Variants in GSG1L observed in about 807,000 individuals in gnomAD.
The protein encoded by GSG1L is GSG1 like.
In GSG1L, 24 loss-of-function variants were observed where a neutral mutation model predicts 42.1. The ratio of observed to expected loss-of-function variants is 0.57; its 90% CI spans 0.41 to 0.80. GSG1L has a LOEUF of 0.80. Among genes scored for constraint, GSG1L ranks in the 30% least tolerant of loss-of-function variants. The pLI is 0.00. For synonymous variants in GSG1L, 215 were observed against 203.5 expected (o/e 1.06, Z -0.48); for missense variants, 445 against 472.2 (o/e 0.94, Z 0.53).
At chr16:27,928,559 A>T (rs938052787) in intron 2 of GSG1L, among the ~76,000 whole-genome samples, 1 of 152,234 alleles carries the variant, frequency 6.6e-6, no homozygotes, top group African/African-American at 2.4e-5. Flanking sequence ...GCCCAGGCTC[A>T]GTCTGTCTGG....
intron 2 of GSG1L, among the ~76,000 whole-genome samples, chr16:27,888,589 C>A (rs1328706455): frequency 7.0e-6 from 1 of 143,476 alleles, no homozygotes; most frequent in Middle Eastern, 3.5e-3. Flanking sequence ...CTTTCTCCGT[C>A]TCTCTCTGTC....
At chr16:27,807,613 C>T in intron 5 of GSG1L, 59 bp from the exon 6 acceptor site, 1 of 1,464,102 alleles carries the variant, frequency 6.8e-7, no homozygotes. Flanking sequence ...GATGAGTGGG[C>T]AGAGACCCAA....
intron 1 of GSG1L, among the ~76,000 whole-genome samples, chr16:28,027,622 T>G (rs1484496562): frequency 1.3e-5 from 2 of 152,220 alleles, no homozygotes; most frequent in Admixed American, 1.3e-4. Context: ...GTGATATTTT[T>G]GGGCACCTGT....
rs201976578 is a variant in GSG1L at position 27,866,658 on chromosome 16, GC to G, written c.550+17827del. Among the ~76,000 whole-genome samples the G allele has an allele frequency of 9.8e-4, 149 of 151,916 alleles. No homozygotes were observed. The East Asian group carries it at 0.028, about 28-fold the overall frequency. On this transcript the variant is annotated intron_variant, in intron 3 of 6. Transcript: ENST00000447459. ...GTGATCTTGGCTCACTTCAACCTCC[GC>G]CCCCCAGGTTCAAGCCATTTTCCTG...
chr16:28,046,938 C>T (rs1033760336), intron 1 of GSG1L, among the ~76,000 whole-genome samples: 14 of 152,292 alleles, frequency 9.2e-5, no homozygotes, highest in African/African-American at 2.4e-4. Flanking sequence ...ATCATGCACA[C>T]GCATGCACAC....
intron 3 of GSG1L, among the ~76,000 whole-genome samples, chr16:27,851,516 T>C (rs559114762): frequency 3.2e-4 from 49 of 152,106 alleles, no homozygotes; most frequent in Non-Finnish European, 5.4e-4. Context: ...CTTAAGCAGA[T>C]TCACCCCCCT....
At chr16:27,822,260 C>T (rs1438640541) in intron 5 of GSG1L, among the ~76,000 whole-genome samples, 5 of 152,228 alleles carry the variant, frequency 3.3e-5, no homozygotes, top group Non-Finnish European at 7.3e-5. Flanking sequence ...GGACTCACAG[C>T]TAGTAAACTG....
chr16:27,830,787 T>C (rs905156549), intron 4 of GSG1L, among the ~76,000 whole-genome samples: 13 of 152,232 alleles, frequency 8.5e-5, no homozygotes, highest in Non-Finnish European at 1.5e-4. Flanking sequence ...CTGGGATGTC[T>C]CTTTATACTA....
intron 2 of GSG1L, among the ~76,000 whole-genome samples, chr16:27,909,493 G>C (rs1478847363): frequency 2.0e-5 from 3 of 150,456 alleles, no homozygotes; most frequent in African/African-American, 7.3e-5. Context: ...CTCAAGCAAG[G>C]GTCCCACCTC....
intron 3 of GSG1L, among the ~76,000 whole-genome samples, chr16:27,847,720 T>G (rs2083459887): frequency 6.6e-6 from 1 of 152,238 alleles, no homozygotes; most frequent in African/African-American, 2.4e-5. Context: ...GTTCTCGTGA[T>G]AGCGAGTGAG....
In GSG1L at chr16:27,831,517, G is replaced by A. The variant is rs2083273895; in HGVS notation, c.663-2561C>T. ...GACCAAGTCTGGCTCAACCCTGATGGCCCAGTCAGGGGACAGAGCAGGGGA... is the reference window on the plus strand; with the variant it reads ...GACCAAGTCTGGCTCAACCCTGATGACCCAGTCAGGGGACAGAGCAGGGGA... On this transcript the variant is annotated intron_variant, in intron 4 of 6. Coordinates refer to ENST00000447459, the MANE Select transcript of GSG1L (RefSeq NM_001109763.2). Among the ~76,000 whole-genome samples the A allele has an allele frequency of 3.3e-5, 5 of 152,204 alleles. No homozygotes were observed. The South Asian group carries it at 1.0e-3, about 32-fold the overall frequency.
intron 1 of GSG1L, among the ~76,000 whole-genome samples, chr16:27,968,786 T>C (rs993453597): frequency 7.9e-5 from 12 of 152,158 alleles, no homozygotes; most frequent in African/African-American, 2.7e-4. Context: ...TGAGATATAA[T>C]TCCCATGCTA....
In GSG1L at chr16:27,935,694, A is replaced by G. The variant is rs537670565; in HGVS notation, c.397+27462T>C. Among the ~76,000 whole-genome samples, 3 of 151,860 alleles carry G rather than the reference A, an allele frequency of 2.0e-5. No homozygotes were observed. The South Asian group carries it at 6.3e-4, about 32-fold the overall frequency. ...TCCAAGAGGTAGCCCAAGTTCCTCA[A>G]GGTGACATTTCAGGTGTGTTGCAAC... On this transcript the variant is annotated intron_variant, in intron 2 of 6. Coordinates refer to ENST00000447459, the MANE Select transcript of GSG1L (RefSeq NM_001109763.2).
At chr16:27,989,270 A>G (rs1489636774) in intron 1 of GSG1L, among the ~76,000 whole-genome samples, 1 of 152,112 alleles carries the variant, frequency 6.6e-6, no homozygotes, top group Non-Finnish European at 1.5e-5. Flanking sequence ...ATTTTGATAA[A>G]GTGTTTTAAA....
At chr16:27,852,968 G>A (rs1245329716) in intron 3 of GSG1L, among the ~76,000 whole-genome samples, 1 of 152,140 alleles carries the variant, frequency 6.6e-6, no homozygotes, top group East Asian at 1.9e-4. Flanking sequence ...AAACCATCAG[G>A]CACTGAAGAA....
At chr16:27,827,603 C>T (rs2083225285) in intron 5 of GSG1L, among the ~76,000 whole-genome samples, 1 of 152,082 alleles carries the variant, frequency 6.6e-6, no homozygotes, top group Admixed American at 6.5e-5. Context: ...ATGAACTCAT[C>T]CCCTGGAGGA....
chr16:27,888,980 A>AGATG (rs2084091649), intron 2 of GSG1L, among the ~76,000 whole-genome samples: 1 of 151,182 alleles, frequency 6.6e-6, no homozygotes, highest in South Asian at 2.1e-4. Context: ...ATAGATAGAT[A>AGATG]TACAGATATA....
At chr16:27,846,366 T>A (rs1355286855) in intron 3 of GSG1L, among the ~76,000 whole-genome samples, 2 of 152,224 alleles carry the variant, frequency 1.3e-5, no homozygotes, top group Non-Finnish European at 2.9e-5. Flanking sequence ...TTCTGCCAGT[T>A]CCTTTTCTGA....
At chr16:27,797,135 G>C (rs1478329955) in intron 6 of GSG1L, among the ~76,000 whole-genome samples, 2 of 152,170 alleles carry the variant, frequency 1.3e-5, no homozygotes, top group Non-Finnish European at 2.9e-5. Context: ...TTGTTTCAAG[G>C]CCTCACTGCT....
Sources: gnomAD v4.1 joint callset for allele counts (sites outside exome capture counted in the v4.1 genomes callset) on GRCh38, gnomAD v4.1.1 for gene constraint, MANE v1.5 for transcripts, NCBI Gene and HGNC (gene_info 2026-07-23, HGNC 2026-07-21) for gene names.